The following RPRD1B variants were observed in gnomAD, a reference collection of about 807,000 sequenced individuals.
The protein encoded by RPRD1B is regulation of nuclear pre-mRNA domain containing 1B.
Under a neutral mutation model 41.5 loss-of-function variants are expected in RPRD1B, and 11 were observed. The observed-to-expected ratio is 0.27, with a 90% CI of 0.17 to 0.44. The LOEUF (loss-of-function observed/expected upper bound fraction) is 0.44, where lower values mean the gene tolerates loss of function less well. Ranked by LOEUF, RPRD1B falls within the 20% of genes least tolerant of loss-of-function variation. The pLI is 1.00. For missense variants in RPRD1B, 248 were observed against 389.9 expected, an observed-to-expected ratio of 0.64 and a Z score of 3.06; for synonymous variants, 158 against 155.6, an observed-to-expected ratio of 1.02 and a Z score of -0.12.
At position 38,091,701 on chromosome 20, in the gene RPRD1B, T is replaced by G; in HGVS notation, c.*1826T>G. 1.0e-6 allele frequency: 1 copy of G among 985,654 alleles called. No individual in the cohort carries two copies. The highest frequency in any genetic ancestry group is 1.2e-6 in the Non-Finnish European group (1 of 829,948). The allele number at this position is 985,654 out of a possible 1,614,324, so 61.1% of individuals were successfully genotyped here. On this transcript the variant is annotated 3_prime_UTR_variant, in exon 7 of 7. Coordinates refer to ENST00000373433, the MANE Select transcript of RPRD1B (RefSeq NM_021215.4). ...TGGAGCAGGCCCATCTGGGACACTC[T>G]ATGCTTTCACCAAGGAAGTGCGATC...
At chr20:38,040,897 A>G (rs2059977519) in intron 2 of RPRD1B, among the ~76,000 whole-genome samples, 1 of 152,244 alleles carries the variant, frequency 6.6e-6, no homozygotes, top group African/African-American at 2.4e-5. Flanking sequence ...CTAACTAGTA[A>G]GGGAACCTTT....
intron 2 of RPRD1B, among the ~76,000 whole-genome samples, chr20:38,045,646 G>A (rs2074113503): frequency 6.6e-6 from 1 of 152,176 alleles, no homozygotes. Context: ...TAGCCTGAAT[G>A]GAGTCCCAAG....
chr20:38,079,344 G>A (rs1404278525), intron 6 of RPRD1B, among the ~76,000 whole-genome samples: 8 of 151,922 alleles, frequency 5.3e-5, no homozygotes, highest in Admixed American at 2.0e-4. Flanking sequence ...TTGGCGTACA[G>A]ATAATTTTGT....
At chr20:38,049,124 T>C (rs2074152871) in intron 3 of RPRD1B, among the ~76,000 whole-genome samples, 2 of 151,942 alleles carry the variant, frequency 1.3e-5, no homozygotes. Flanking sequence ...AATTTTTGTA[T>C]TTTTAGAAGA....
intron 5 of RPRD1B, among the ~76,000 whole-genome samples, chr20:38,060,746 C>G (rs1169000350): frequency 6.6e-6 from 1 of 152,112 alleles, no homozygotes; most frequent in Non-Finnish European, 1.5e-5. Context: ...CTTTCCCACC[C>G]CAGGAATTCA....
chr20:38,086,515 T>C (rs1246418891), intron 6 of RPRD1B, among the ~76,000 whole-genome samples: 1 of 152,196 alleles, frequency 6.6e-6, no homozygotes, highest in Non-Finnish European at 1.5e-5. Context: ...GTTTTTCATT[T>C]TTTTGTGGAG....
chr20:38,091,360 C>T lies in RPRD1B; in HGVS notation c.*1485C>T, dbSNP rs2122782517. 2 of 985,450 alleles carry T rather than the reference C, an allele frequency of 2.0e-6. No homozygotes were observed. The highest frequency in any genetic ancestry group is 4.7e-5 in the South Asian group (1 of 21,288). 61.0% of individuals were successfully genotyped at this position (985,450 alleles called of 1,614,324 possible). Reference sequence around the variant, plus strand: ...TATGTTTATAAAGCATAACGGGCTTCCCTTCCAGAAGCTCTCCTGCTTGTC... The same window carrying T: ...TATGTTTATAAAGCATAACGGGCTTTCCTTCCAGAAGCTCTCCTGCTTGTC... On this transcript the variant is annotated 3_prime_UTR_variant, in exon 7 of 7. Transcript: ENST00000373433.
intron 3 of RPRD1B, among the ~76,000 whole-genome samples, chr20:38,051,260 A>G (rs1218861273): frequency 6.6e-6 from 1 of 152,242 alleles, no homozygotes; most frequent in Non-Finnish European, 1.5e-5. Flanking sequence ...TTTAAAAAGT[A>G]AGAAAAGGAG....
At position 38,036,010 on chromosome 20, in the gene RPRD1B, C is replaced by T. The variant is rs576360868; in HGVS notation, c.151+1912C>T. ...TGATCTCCTGACCTTGTGATGCCCCCGCCTCGGCCTCCCAAAGTGCTGGTA... is the reference window on the plus strand; with the variant it reads ...TGATCTCCTGACCTTGTGATGCCCCTGCCTCGGCCTCCCAAAGTGCTGGTA... On this transcript the variant is annotated intron_variant, in intron 1 of 6. Transcript: ENST00000373433. Among the ~76,000 whole-genome samples the T allele has an allele frequency of 1.6e-4, 24 of 152,086 alleles. No homozygotes were observed. The East Asian group carries it at 2.3e-3, about 15-fold the overall frequency.
chr20:38,045,037 G>A (rs761811719), intron 2 of RPRD1B, among the ~76,000 whole-genome samples: 4 of 152,156 alleles, frequency 2.6e-5, no homozygotes, highest in African/African-American at 9.7e-5. Flanking sequence ...CAGCTGACAC[G>A]TCAAGCAGCC....
At chr20:38,048,104 A>G (rs562481066) in intron 2 of RPRD1B, among the ~76,000 whole-genome samples, 1 of 152,174 alleles carries the variant, frequency 6.6e-6, no homozygotes, top group Non-Finnish European at 1.5e-5. Flanking sequence ...TCTGTCTGTA[A>G]AAATTGGCCA....
intron 5 of RPRD1B, among the ~76,000 whole-genome samples, chr20:38,064,759 C>T (rs972931928): frequency 4.6e-5 from 7 of 151,914 alleles, no homozygotes; most frequent in African/African-American, 1.7e-4. Flanking sequence ...AGCTAATGAC[C>T]AACAGTTTTT....
intron 6 of RPRD1B, among the ~76,000 whole-genome samples, chr20:38,087,559 G>A (rs1308578326): frequency 6.6e-6 from 1 of 152,180 alleles, no homozygotes; most frequent in African/African-American, 2.4e-5. Context: ...CAGGCAGGGG[G>A]CAGGAAGTCC....
In RPRD1B at chr20:38,059,647, C is replaced by T. The variant is rs1600411458; in HGVS notation, c.655+127C>T. The T allele has an allele frequency of 1.2e-5, 11 of 882,000 alleles. No individual in the cohort carries two copies. The East Asian group carries it at 3.3e-4, about 27-fold the overall frequency. The allele number at this position is 882,000 out of a possible 1,614,324, so 54.6% of individuals were successfully genotyped here. A position where few individuals can be genotyped will look rare whatever the true frequency, so the allele number is the denominator to read the frequency against. On this transcript the variant is annotated intron_variant, in intron 5 of 6. Coordinates refer to ENST00000373433, the MANE Select transcript of RPRD1B (RefSeq NM_021215.4). ...CATGTTGTATTGGTTGCTCTACCAT[C>T]TTGGGATTTGCAAACATAACTCACA...
chr20:38,036,683 C>G (rs2074007036), intron 1 of RPRD1B, among the ~76,000 whole-genome samples: 1 of 152,140 alleles, frequency 6.6e-6, no homozygotes, highest in Non-Finnish European at 1.5e-5. Context: ...TCTATGATAG[C>G]AGCATAAAGG....
At chr20:38,045,167 C>T (rs947237799) in intron 2 of RPRD1B, among the ~76,000 whole-genome samples, 3 of 152,142 alleles carry the variant, frequency 2.0e-5, no homozygotes, top group Non-Finnish European at 4.4e-5. Flanking sequence ...AAGTGTTCAA[C>T]GTAATATTAA....
chr20:38,053,519 G>A (rs1194507376), intron 3 of RPRD1B, among the ~76,000 whole-genome samples: 1 of 152,208 alleles, frequency 6.6e-6, no homozygotes, highest in African/African-American at 2.4e-5. Flanking sequence ...AGTGGCCAGA[G>A]TAGCAAGGCC....
At chr20:38,042,559 A>G (rs532748066) in intron 2 of RPRD1B, among the ~76,000 whole-genome samples, 2 of 150,726 alleles carry the variant, frequency 1.3e-5, no homozygotes, top group African/African-American at 5.0e-5. Flanking sequence ...TCTCAATAAA[A>G]TAGCCCGAAT....
At chr20:38,077,165 G>A (rs938149860) in intron 6 of RPRD1B, among the ~76,000 whole-genome samples, 2 of 151,696 alleles carry the variant, frequency 1.3e-5, no homozygotes, top group Non-Finnish European at 2.9e-5. Flanking sequence ...AGATCCACCC[G>A]CCTCAGCCTC....
Sources: allele counts gnomAD v4.1 joint callset (sites outside exome capture counted in the v4.1 genomes callset), GRCh38; gene constraint gnomAD v4.1.1; transcripts MANE v1.5; gene names NCBI Gene and HGNC (gene_info 2026-07-23, HGNC 2026-07-21).